LSAMP: variants seen among roughly 807,000 people sequenced by gnomAD.
The protein encoded by LSAMP is limbic system associated membrane protein, also known as limbic system-associated membrane protein.
In LSAMP, 7 loss-of-function variants were observed where a neutral mutation model predicts 38.6. The observed-to-expected ratio is 0.18, with a 90% CI of 0.10 to 0.34. The LOEUF (loss-of-function observed/expected upper bound fraction) is 0.34, where lower values mean the gene tolerates loss of function less well. Among genes scored for constraint, LSAMP ranks in the 10% least tolerant of loss-of-function variants. The probability of loss-of-function intolerance (pLI) is 1.00; values close to 1 mark genes in which losing one functional copy is unlikely to be tolerated. For missense variants in LSAMP, 313 were observed against 420.0 expected (o/e 0.75, Z 2.23); for synonymous variants, 154 against 166.8 (o/e 0.92, Z 0.59).
intron 1 of LSAMP, among the ~76,000 whole-genome samples, chr3:116,278,992 C>T (rs2116311): frequency 0.043 from 6,601 of 152,232 alleles, 467 homozygotes; most frequent in African/African-American, 0.14. Context: ...ATAAAACTAT[C>T]GGCAAGTTTA....
intron 3 of LSAMP, among the ~76,000 whole-genome samples, chr3:115,999,224 A>G (rs183228429): frequency 1.3e-5 from 2 of 152,318 alleles, no homozygotes; most frequent in Non-Finnish European, 2.9e-5. Context: ...CCGAATCACA[A>G]GCAGCAGGAT....
At chr3:116,379,386 A>G (rs1274496146) in intron 1 of LSAMP, among the ~76,000 whole-genome samples, 1 of 152,004 alleles carries the variant, frequency 6.6e-6, no homozygotes, top group Non-Finnish European at 1.5e-5. Flanking sequence ...GGACATTTCA[A>G]CAAGAGTACA....
intron 5 of LSAMP, 140 bp downstream of exon 5, chr3:115,842,318 T>C: frequency 8.4e-7 from 1 of 1,193,598 alleles, no homozygotes; most frequent in Non-Finnish European, 1.1e-6. Context: ...AAGAATTTGA[T>C]AAGAGATACT....
chr3:116,296,694 C>CAAAA (rs10659032), intron 1 of LSAMP, among the ~76,000 whole-genome samples: 28 of 59,724 alleles, frequency 4.7e-4, no homozygotes, highest in African/African-American at 1.3e-3. Context: ...GACTCTGTCT[C>CAAAA]AAAAAAAAAA....
chr3:116,210,587 T>G (rs532764732), intron 1 of LSAMP, among the ~76,000 whole-genome samples: 2 of 152,324 alleles, frequency 1.3e-5, no homozygotes, highest in Non-Finnish European at 2.9e-5. Context: ...GGACTCGGAC[T>G]GGCTTCCTGG....
chr3:116,024,053 C>T (rs1232287933), intron 2 of LSAMP, among the ~76,000 whole-genome samples: 7 of 152,194 alleles, frequency 4.6e-5, no homozygotes, highest in Non-Finnish European at 1.0e-4. Context: ...CCCTGCCTCC[C>T]ACTCTGCTCC....
At chr3:116,385,302 A>G (rs538842449) in intron 1 of LSAMP, among the ~76,000 whole-genome samples, 4 of 152,294 alleles carry the variant, frequency 2.6e-5, no homozygotes, top group African/African-American at 9.6e-5. Context: ...AAATCCTTTA[A>G]TTCTCAGCAA....
At chr3:116,042,431 CTTTTTTT>C (rs1013336834) in intron 2 of LSAMP, among the ~76,000 whole-genome samples, 1 of 134,886 alleles carries the variant, frequency 7.4e-6, no homozygotes, top group Admixed American at 7.4e-5. Context: ...AAGAGCATTT[CTTTTTTT>C]TTTTTTTTTT....
intron 3 of LSAMP, among the ~76,000 whole-genome samples, chr3:115,870,179 C>A (rs1162349106): frequency 6.6e-6 from 1 of 152,026 alleles, no homozygotes; most frequent in African/African-American, 2.4e-5. Flanking sequence ...AATTTAATTG[C>A]AACAGAGACC....
At chr3:116,411,571 A>C (rs1211618637) in intron 1 of LSAMP, among the ~76,000 whole-genome samples, 1 of 144,358 alleles carries the variant, frequency 6.9e-6, no homozygotes, top group Non-Finnish European at 1.5e-5. Context: ...GTGGAAACTG[A>C]ACAATGAGAA....
intron 3 of LSAMP, among the ~76,000 whole-genome samples, chr3:115,853,080 C>T (rs1935383537): frequency 1.3e-5 from 2 of 152,178 alleles, no homozygotes; most frequent in Non-Finnish European, 2.9e-5. Flanking sequence ...TCATAAAGTG[C>T]TCTGAGGGGA....
At chr3:116,045,837 CTT>C (rs1221391457) in intron 2 of LSAMP, among the ~76,000 whole-genome samples, 1 of 152,200 alleles carries the variant, frequency 6.6e-6, no homozygotes. Flanking sequence ...CATAATTAAA[CTT>C]TGCCCCAAAG....
At chr3:116,357,072 C>G (rs549493172) in intron 1 of LSAMP, among the ~76,000 whole-genome samples, 4 of 152,236 alleles carry the variant, frequency 2.6e-5, no homozygotes, top group Non-Finnish European at 5.9e-5. Flanking sequence ...GGATTACAAG[C>G]GTGAGCCATC....
intron 1 of LSAMP, among the ~76,000 whole-genome samples, chr3:116,320,559 T>C (rs535727163): frequency 1.3e-5 from 2 of 152,280 alleles, no homozygotes; most frequent in South Asian, 2.1e-4. Context: ...ATATAGCTGA[T>C]TGTGTTGCTC....
intron 1 of LSAMP, among the ~76,000 whole-genome samples, chr3:116,442,002 A>G (rs1327450566): frequency 6.6e-6 from 1 of 152,148 alleles, no homozygotes; most frequent in Non-Finnish European, 1.5e-5. Context: ...GTATGTATAC[A>G]TGAAGCTACC....
chr3:116,008,232 G>A (rs977218397), intron 3 of LSAMP, among the ~76,000 whole-genome samples: 6 of 152,210 alleles, frequency 3.9e-5, no homozygotes, highest in South Asian at 4.1e-4. Context: ...GTAGGCATTC[G>A]ATTATTCATG....
rs538440177 is a variant in LSAMP, at chr3:116,339,337, G to A, written c.155+105540C>T. On this transcript the variant is annotated intron_variant, in intron 1 of 6. Transcript: ENST00000490035. ...GGATTCCAGGACTGATAGATTTATCGTGCTTTCCAGAGATGACTTGTAGCC... is the reference window on the plus strand; with the variant it reads ...GGATTCCAGGACTGATAGATTTATCATGCTTTCCAGAGATGACTTGTAGCC... Among the ~76,000 whole-genome samples the A allele has an allele frequency of 4.5e-4, 68 of 150,118 alleles. 1 individual carries two copies. In the South Asian group the frequency reaches 0.013, roughly 28 times the overall value.
Position 115,818,790 on chromosome 3 carries a change from T to TTATATATATATA in LSAMP, c.920-8388_920-8377dup, listed in dbSNP as rs66654115. 3.1e-3 allele frequency among the ~76,000 whole-genome samples: 214 copies of TTATATATATATA among 69,708 alleles called. 5 individuals carry two copies. Among genetic ancestry groups the TTATATATATATA allele is most frequent in the East Asian group, 0.021 (21 of 1,000 alleles). 45.7% of individuals were successfully genotyped at this position (69,708 alleles called of 152,430 possible). ...ATAAGAAAGAAGGAAAGTTGTACTT[T>TTATATATATATA]TATATATATATATATATATATATAT... On this transcript the variant is annotated intron_variant, in intron 6 of 6. Coordinates refer to ENST00000490035, the MANE Select transcript of LSAMP (RefSeq NM_002338.5).
intron 1 of LSAMP, among the ~76,000 whole-genome samples, chr3:116,420,561 G>C (rs971119653): frequency 2.6e-4 from 40 of 152,030 alleles, no homozygotes; most frequent in African/African-American, 8.5e-4. Context: ...TTCTGAAACA[G>C]AGCAATTAAA....
Sources: gnomAD v4.1 joint callset for allele counts (sites outside exome capture counted in the v4.1 genomes callset) on GRCh38, gnomAD v4.1.1 for gene constraint, MANE v1.5 for transcripts, NCBI Gene and HGNC (gene_info 2026-07-23, HGNC 2026-07-21) for gene names.